RMDN1: variants seen among roughly 807,000 people sequenced by gnomAD.
RMDN1 encodes regulator of microtubule dynamics 1, also known as regulator of microtubule dynamics protein 1.
A neutral mutation model predicts 48.9 loss-of-function variants in RMDN1; 48 were observed. The ratio of observed to expected loss-of-function variants is 0.98; its 90% CI spans 0.78 to 1.25. RMDN1 has a LOEUF of 1.25. RMDN1 is among the 50% of genes most tolerant of loss of function. RMDN1 has a pLI of 0.00. For synonymous variants in RMDN1, 148 were observed against 132.6 expected (o/e 1.12, Z -0.80); for missense variants, 418 against 373.4 (o/e 1.12, Z -0.98).
upstream of RMDN1, among the ~76,000 whole-genome samples, chr8:86,511,681 G>A (rs1820050494): frequency 6.6e-6 from 1 of 151,824 alleles, no homozygotes; most frequent in Non-Finnish European, 1.5e-5. Context: ...ACGGTGGCTC[G>A]TGCCTGTAGG....
At chr8:86,479,235 GTAATA>G (rs1334197753) in intron 6 of RMDN1, among the ~76,000 whole-genome samples, 3 of 152,228 alleles carry the variant, frequency 2.0e-5, no homozygotes, top group Non-Finnish European at 4.4e-5. Flanking sequence ...ACTAATAACA[GTAATA>G]TAATATACAT....
chr8:86,513,056 GT>G (rs567725662), upstream of RMDN1, among the ~76,000 whole-genome samples: 48 of 141,202 alleles, frequency 3.4e-4, no homozygotes, highest in East Asian at 1.0e-3. Context: ...TCTATTGGGT[GT>G]TTTTTTTTTT....
rs999399631 is a variant in RMDN1, at chr8:86,514,293, C to T, written c.-55G>A. On this transcript the variant is annotated 5_prime_UTR_variant, in exon 1 of 10. Coordinates refer to the RMDN1 transcript ENST00000523911. Reference sequence around the variant, plus strand: ...AAGCGACTGGCCTCCAGAATGGCCTCGAAGCGCCAGCCTACTGGCAAGGAG... The same window carrying T: ...AAGCGACTGGCCTCCAGAATGGCCTTGAAGCGCCAGCCTACTGGCAAGGAG... The T allele has an allele frequency of 3.1e-5, 31 of 985,018 alleles. No individual in the cohort carries two copies. The African/African-American group carries it at 3.5e-4, about 11-fold the overall frequency. 61.0% of individuals were successfully genotyped at this position (985,018 alleles called of 1,614,324 possible).
At chr8:86,482,159 T>C in intron 5 of RMDN1, 1 of 468,494 alleles carries the variant, frequency 2.1e-6, no homozygotes, top group Non-Finnish European at 3.8e-6. Flanking sequence ...CTCAGCATTT[T>C]GGGAGGCTGA....
At chr8:86,493,428 C>T (rs116865175) in intron 2 of RMDN1, among the ~76,000 whole-genome samples, 1 of 152,108 alleles carries the variant, frequency 6.6e-6, no homozygotes, top group African/African-American at 2.4e-5. Context: ...AACCTAAGTG[C>T]CCGTTAATAG....
Position 86,474,198 on chromosome 8 carries a change from G to C in RMDN1, c.*110C>G. 6.6e-7 allele frequency: 1 copy of C among 1,512,388 alleles called. No individual in the cohort carries two copies. Among genetic ancestry groups the C allele is most frequent in the Non-Finnish European group, 8.8e-7 (1 of 1,133,622 alleles). The allele number at this position is 1,512,388 out of a possible 1,614,324, so 93.7% of individuals were successfully genotyped here. Reference sequence around the variant, plus strand: ...TATTTTATATTTACACGGTTAAATGGTCACAACATTTAAAAAGCCGTAGAA... The same window carrying C: ...TATTTTATATTTACACGGTTAAATGCTCACAACATTTAAAAAGCCGTAGAA... On this transcript the variant is annotated 3_prime_UTR_variant, in exon 10 of 10. Transcript: ENST00000406452.
At chr8:86,470,393 A>G (rs759778167), downstream of RMDN1, 33 of 1,285,592 alleles carry the variant, frequency 2.6e-5, no homozygotes, top group Non-Finnish European at 3.3e-5. Context: ...CCAATGTGAC[A>G]CGTGGGGAAT....
chr8:86,503,371 C>CAAAAAAAAAAAAAAAAAAAAA (rs1182231210), intron 2 of RMDN1, among the ~76,000 whole-genome samples: 11 of 67,970 alleles, frequency 1.6e-4, no homozygotes, highest in Non-Finnish European at 2.5e-4. Flanking sequence ...CAAAACAAAA[C>CAAAAAAAAAAAAAAAAAAAAA]AAAAAAAAAA....
At chr8:86,508,773 C>G, upstream of RMDN1, 1 of 1,377,886 alleles carries the variant, frequency 7.3e-7, no homozygotes, top group Non-Finnish European at 9.4e-7. Flanking sequence ...CTTCCGCCCC[C>G]ATGGTTTCCG....
At chr8:86,482,506 TTC>T in intron 5 of RMDN1, 1 of 669,366 alleles carries the variant, frequency 1.5e-6, no homozygotes, top group South Asian at 1.5e-5. Flanking sequence ...GGTCATTTAA[TTC>T]TGTCACACAT....
Position 86,508,628 on chromosome 8 carries a change from A to C in RMDN1, c.-8T>G. The C allele has an allele frequency of 6.3e-7, 1 of 1,598,098 alleles. No individual in the cohort carries two copies. Among genetic ancestry groups the C allele is most frequent in the East Asian group, 2.3e-5 (1 of 44,110 alleles). ...TCGAGCAGCCAGCGCCATGACCTGC[A>C]ACTTGCGGGCTGACCCTGCACTACT... On this transcript the variant is annotated 5_prime_UTR_variant, in exon 1 of 10. Coordinates refer to ENST00000406452, the MANE Select transcript of RMDN1 (RefSeq NM_016033.3).
downstream of RMDN1, chr8:86,468,397 T>G (rs1812283574): frequency 4.4e-6 from 2 of 452,076 alleles, 1 homozygote; most frequent in South Asian, 3.2e-5. Context: ...CAAATCCTTA[T>G]TATGAACACT....
chr8:86,495,019 A>G (rs1421259718), intron 2 of RMDN1: 1 of 349,968 alleles, frequency 2.9e-6, no homozygotes, highest in East Asian at 8.3e-5. Flanking sequence ...TATGTCCTCA[A>G]GACACTTTTG....
intron 7 of RMDN1, chr8:86,478,432 CAA>C (rs1247802312): frequency 6.6e-6 from 1 of 152,222 alleles, no homozygotes. Flanking sequence ...AAATTCCTCT[CAA>C]ATCTTATTTT....
chr8:86,503,301 G>A (rs368708444), intron 2 of RMDN1, among the ~76,000 whole-genome samples: 29 of 150,174 alleles, frequency 1.9e-4, no homozygotes, highest in African/African-American at 4.7e-4. Flanking sequence ...GCAGGGAGCC[G>A]AGATCGCACC....
rs1238824293 is a variant in RMDN1, at chr8:86,478,704, G to A, written c.729+219C>T. On this transcript the variant is annotated intron_variant, in intron 7 of 9. Coordinates refer to ENST00000406452, the MANE Select transcript of RMDN1 (RefSeq NM_016033.3). The stretch of plus-strand genomic sequence containing the variant: ...TAGCCACGAGCCATTTTAGATGACA[G>A]TATTCCAGAATTACCAGCCACTCAC... The A allele has an allele frequency of 5.8e-6, 3 of 517,126 alleles. No individual in the cohort carries two copies. The African/African-American group carries it at 5.8e-5, about 10-fold the overall frequency. The allele number at this position is 517,126 out of a possible 1,614,324, so 32.0% of individuals were successfully genotyped here. A position where few individuals can be genotyped will look rare whatever the true frequency, so the allele number is the denominator to read the frequency against.
chr8:86,468,449 A>G (rs944573595), downstream of RMDN1: 1 of 438,322 alleles, frequency 2.3e-6, no homozygotes, highest in Non-Finnish European at 4.5e-6. Flanking sequence ...AAAAATTCTA[A>G]TGTATGTGAC....
At chr8:86,468,909 C>T (rs7018083), downstream of RMDN1, among the ~76,000 whole-genome samples, 2 of 151,830 alleles carry the variant, frequency 1.3e-5, no homozygotes, top group Non-Finnish European at 2.9e-5. Context: ...CTGGACTAAC[C>T]GAAAGAAATT....
At chr8:86,488,716 T>G (rs1815933069) in intron 2 of RMDN1, 77 bp from the exon 3 acceptor site, 4 of 921,026 alleles carry the variant, frequency 4.3e-6, no homozygotes, top group Admixed American at 2.5e-5. Flanking sequence ...CAAAGAAACT[T>G]AAACACTTTT....
Sources: allele counts gnomAD v4.1 joint callset (sites outside exome capture counted in the v4.1 genomes callset), GRCh38; gene constraint gnomAD v4.1.1; transcripts MANE v1.5; gene names NCBI Gene and HGNC (gene_info 2026-07-23, HGNC 2026-07-21).